The following CNPY1 variants were observed in gnomAD, a reference collection of about 807,000 sequenced individuals.
The protein encoded by CNPY1 is protein canopy homolog 1.
Under a neutral mutation model 14.4 loss-of-function variants are expected in CNPY1, and 14 were observed. The ratio of observed to expected loss-of-function variants is 0.97; its 90% CI spans 0.64 to 1.52. The LOEUF (loss-of-function observed/expected upper bound fraction) is 1.52. CNPY1 is among the 40% of genes most tolerant of loss of function. CNPY1 has a pLI of 0.00. For missense variants in CNPY1, 129 were observed against 131.5 expected, an observed-to-expected ratio of 0.98 and a Z score of 0.09; for synonymous variants, 43 against 46.5, an observed-to-expected ratio of 0.92 and a Z score of 0.31.
intron 2 of CNPY1, among the ~76,000 whole-genome samples, chr7:155,541,898 G>A (rs1215323004): frequency 1.3e-5 from 2 of 152,152 alleles, no homozygotes; most frequent in African/African-American, 4.8e-5. Context: ...TGCTTGAAGG[G>A]GCCTTTTAGT....
intron 2 of CNPY1, among the ~76,000 whole-genome samples, chr7:155,541,600 G>A (rs1011858998): frequency 6.6e-6 from 1 of 152,224 alleles, no homozygotes; most frequent in Admixed American, 6.5e-5. Context: ...TGAGGAGGGA[G>A]GCCAACCGGG....
At chr7:155,532,566 A>G (rs1414957775) in intron 2 of CNPY1, among the ~76,000 whole-genome samples, 1 of 151,520 alleles carries the variant, frequency 6.6e-6, no homozygotes, top group Non-Finnish European at 1.5e-5. Context: ...GCTTGCAGTG[A>G]GCCGAGATCG....
intron 2 of CNPY1, among the ~76,000 whole-genome samples, chr7:155,534,118 G>A (rs1474698260): frequency 6.6e-6 from 1 of 152,162 alleles, no homozygotes; most frequent in South Asian, 2.1e-4. Flanking sequence ...CGGGTTAGGG[G>A]CCCCAAAACA....
chr7:155,544,918 C>T (rs1453031170), intron 2 of CNPY1, among the ~76,000 whole-genome samples: 1 of 152,190 alleles, frequency 6.6e-6, no homozygotes, highest in Non-Finnish European at 1.5e-5. Context: ...AACTGAGGCG[C>T]ATTAGAAGCC....
chr7:155,539,433 G>A (rs1376450291), intron 2 of CNPY1, among the ~76,000 whole-genome samples: 1 of 152,136 alleles, frequency 6.6e-6, no homozygotes, highest in African/African-American at 2.4e-5. Context: ...GCCCTCTAGC[G>A]AGTAGGAAAA....
chr7:155,542,751 C>A (rs1004441592), intron 2 of CNPY1, among the ~76,000 whole-genome samples: 7 of 152,334 alleles, frequency 4.6e-5, no homozygotes, highest in African/African-American at 1.7e-4. Flanking sequence ...TGAGCCAGTG[C>A]GGGCAGAGGC....
intron 4 of CNPY1, chr7:155,506,795 A>G (rs1014779323): frequency 2.0e-6 from 1 of 504,558 alleles, no homozygotes; most frequent in Non-Finnish European, 3.5e-6. Context: ...CTTAATATAT[A>G]GAGGAAAGAA....
At chr7:155,516,022 CCCT>C (rs929866532) in intron 2 of CNPY1, among the ~76,000 whole-genome samples, 6 of 152,028 alleles carry the variant, frequency 3.9e-5, no homozygotes, top group African/African-American at 7.3e-5. Context: ...TGTGTGTCCC[CCCT>C]CCTCTTTTAC....
chr7:155,522,956 C>T lies in CNPY1; in HGVS notation c.100-13859G>A, dbSNP rs532384705. On this transcript the variant is annotated intron_variant, in intron 2 of 4. Coordinates refer to ENST00000636446, the MANE Select transcript of CNPY1 (RefSeq NM_001393663.1). ...CCAGCCTCCCTGTATGGGAGCTGCA[C>T]GGTGCCCACTGTGTCTTCTAGCTCC... is the stretch of plus-strand genomic sequence containing the variant. Among the ~76,000 whole-genome samples the T allele has an allele frequency of 5.9e-5, 9 of 152,346 alleles. 1 individual carries two copies. Among genetic ancestry groups the T allele is most frequent in the Admixed American group, 2.6e-4 (4 of 15,304 alleles).
rs1171658553 is a variant in CNPY1 at position 155,502,368 on chromosome 7, A to G, written c.*700T>C. ...GAAACAAAACGCAATCACTAGTGTC[A>G]TCTTTTAACACCTGATGCAATAATA... is the stretch of plus-strand genomic sequence containing the variant. On this transcript the variant is annotated 3_prime_UTR_variant, in exon 5 of 5. Coordinates refer to ENST00000636446, the MANE Select transcript of CNPY1 (RefSeq NM_001393663.1). 6.6e-6 allele frequency: 1 copy of G among 152,190 alleles called. No homozygotes were observed. Among genetic ancestry groups the G allele is most frequent in the African/African-American group, 2.4e-5 (1 of 41,436 alleles). 9.4% of individuals were successfully genotyped at this position (152,190 alleles called of 1,614,324 possible). A position where few individuals can be genotyped will look rare whatever the true frequency, so the allele number is the denominator to read the frequency against.
intron 2 of CNPY1, among the ~76,000 whole-genome samples, chr7:155,544,162 C>T (rs1310191868): frequency 3.3e-5 from 5 of 152,114 alleles, no homozygotes; most frequent in Admixed American, 1.3e-4. Flanking sequence ...GTACAAGGTG[C>T]TGCCATCCCA....
At chr7:155,503,891 T>C (rs969237772) in intron 4 of CNPY1, among the ~76,000 whole-genome samples, 2 of 152,216 alleles carry the variant, frequency 1.3e-5, no homozygotes, top group Non-Finnish European at 2.9e-5. Context: ...AGAAGATCCA[T>C]TCATTTCTAA....
chr7:155,540,265 C>A (rs1479350190), intron 2 of CNPY1, among the ~76,000 whole-genome samples: 1 of 152,196 alleles, frequency 6.6e-6, no homozygotes, highest in Non-Finnish European at 1.5e-5. Flanking sequence ...GAAGGACTTC[C>A]AATGTCCTTT....
intron 2 of CNPY1, among the ~76,000 whole-genome samples, chr7:155,524,702 C>G (rs1405334760): frequency 6.6e-6 from 1 of 152,136 alleles, no homozygotes; most frequent in Non-Finnish European, 1.5e-5. Flanking sequence ...ATAATTATTT[C>G]TTTATATATT....
chr7:155,517,755 G>A (rs1796649993), intron 2 of CNPY1, among the ~76,000 whole-genome samples: 1 of 152,214 alleles, frequency 6.6e-6, no homozygotes, highest in Non-Finnish European at 1.5e-5. Flanking sequence ...ACTGGCCATG[G>A]GCGGGGATAG....
intron 2 of CNPY1, among the ~76,000 whole-genome samples, chr7:155,512,304 A>G (rs779908334): frequency 6.6e-6 from 1 of 152,230 alleles, no homozygotes; most frequent in Non-Finnish European, 1.5e-5. Flanking sequence ...AAAATGATCC[A>G]TGATAATTTC....
At chr7:155,534,225 C>T (rs1796993079) in intron 2 of CNPY1, among the ~76,000 whole-genome samples, 1 of 152,202 alleles carries the variant, frequency 6.6e-6, no homozygotes, top group Non-Finnish European at 1.5e-5. Context: ...GGCTGCCAGC[C>T]CACGCAGCTG....
intron 2 of CNPY1, among the ~76,000 whole-genome samples, chr7:155,538,393 G>A (rs1250389220): frequency 6.6e-6 from 1 of 152,198 alleles, no homozygotes; most frequent in Non-Finnish European, 1.5e-5. Context: ...GACCCTGCAG[G>A]CTGGTCTCAC....
intron 2 of CNPY1, among the ~76,000 whole-genome samples, chr7:155,529,821 C>T (rs1465745390): frequency 6.7e-6 from 1 of 149,966 alleles, no homozygotes; most frequent in Non-Finnish European, 1.5e-5. Context: ...CTCACTCTGT[C>T]GCGCACGCTG....
Sources: gnomAD v4.1 joint callset for allele counts (sites outside exome capture counted in the v4.1 genomes callset) on GRCh38, gnomAD v4.1.1 for gene constraint, MANE v1.5 for transcripts, NCBI Gene and HGNC (gene_info 2026-07-23, HGNC 2026-07-21) for gene names.